SP1: variants seen among roughly 807,000 people sequenced by gnomAD.
SP1 encodes the protein transcription factor Sp1.
In SP1, 6 loss-of-function variants were observed where a neutral mutation model predicts 66.3. The ratio of observed to expected loss-of-function variants is 0.09; its 90% CI spans 0.05 to 0.18. SP1 has a LOEUF of 0.18. SP1 is among the 10% of genes least tolerant of loss of function. The probability of loss-of-function intolerance (pLI) is 1.00; values close to 1 mark genes in which losing one functional copy is unlikely to be tolerated. For synonymous variants in SP1, 417 were observed against 360.8 expected (o/e 1.16, Z -1.77); for missense variants, 848 against 964.5 (o/e 0.88, Z 1.60).
chr12:53,404,816 G>A (rs371660475), intron 3 of SP1, among the ~76,000 whole-genome samples: 1 of 151,776 alleles, frequency 6.6e-6, no homozygotes. Flanking sequence ...GACCATAGGC[G>A]CATGCCACCA....
At chr12:53,380,499 C>T (rs1592552224) in intron 1 of SP1, 1 of 492,164 alleles carries the variant, frequency 2.0e-6, no homozygotes, top group Non-Finnish European at 3.0e-6. Flanking sequence ...ATGGGCCGCC[C>T]GCCCCGGGGG....
In SP1 at chr12:53,411,449, G is replaced by GT. The variant is rs1938883548; in HGVS notation, c.*210dup. 2 of 485,842 alleles carry GT rather than the reference G, an allele frequency of 4.1e-6. No homozygotes were observed. The highest frequency in any genetic ancestry group is 7.2e-6 in the Non-Finnish European group (2 of 277,732). The allele number at this position is 485,842 out of a possible 1,614,324, so 30.1% of individuals were successfully genotyped here. ...GCCTCTTTGAAGGTGGGAAACATTA[G>GT]TGAAAATTCTGTTGGTGCCACGCTT... On this transcript the variant is annotated 3_prime_UTR_variant, in exon 6 of 6. Transcript: ENST00000327443.
At chr12:53,406,491 C>A in intron 3 of SP1, 94 bp from the exon 4 acceptor site, 2 of 1,090,300 alleles carry the variant, frequency 1.8e-6, no homozygotes, top group Non-Finnish European at 2.7e-6. Context: ...GATGTCAGTT[C>A]AAAAGAAATG....
At chr12:53,392,269 C>G (rs1938370690) in intron 3 of SP1, among the ~76,000 whole-genome samples, 1 of 151,976 alleles carries the variant, frequency 6.6e-6, no homozygotes, top group African/African-American at 2.4e-5. Flanking sequence ...CAACCTCTGC[C>G]TCCCAAGTTC....
rs1301677827 is a variant in SP1, at chr12:53,411,421, A to G, written c.*181A>G. 9.4e-6 allele frequency: 5 copies of G among 532,852 alleles called. No homozygotes were observed. Among genetic ancestry groups the G allele is most frequent in the Non-Finnish European group, 1.6e-5 (5 of 305,604 alleles). The allele number at this position is 532,852 out of a possible 1,614,324, so 33.0% of individuals were successfully genotyped here. On this transcript the variant is annotated 3_prime_UTR_variant, in exon 6 of 6. Coordinates refer to ENST00000327443, the MANE Select transcript of SP1 (RefSeq NM_138473.3). ...GGTCCCGGCACCCATCTGTATCATC[A>G]GTGCCTCTTTGAAGGTGGGAAACAT...
At chr12:53,400,940 T>C (rs538666264) in intron 3 of SP1, among the ~76,000 whole-genome samples, 38 of 151,678 alleles carry the variant, frequency 2.5e-4, no homozygotes, top group African/African-American at 8.7e-4. Flanking sequence ...TTTTGTATTT[T>C]TAGTAGAGAC....
chr12:53,406,364 C>T (rs111337715), intron 3 of SP1, among the ~76,000 whole-genome samples: 8,922 of 152,142 alleles, frequency 0.059, 415 homozygotes, highest in South Asian at 0.19. Context: ...CCACTGCGCC[C>T]AGCCACTCTT....
intron 3 of SP1, among the ~76,000 whole-genome samples, chr12:53,404,496 T>A (rs1938683839): frequency 6.7e-6 from 1 of 149,792 alleles, no homozygotes; most frequent in African/African-American, 2.5e-5. Flanking sequence ...GAGTCAAGAT[T>A]GTGCCATTGC....
intron 3 of SP1, 135 bp from the exon 4 acceptor site, chr12:53,406,450 G>A: frequency 1.4e-6 from 1 of 690,058 alleles, no homozygotes; most frequent in Non-Finnish European, 2.4e-6. Context: ...AACATAAAAA[G>A]GCTTCAAAAC....
intron 3 of SP1, among the ~76,000 whole-genome samples, chr12:53,392,331 C>A: frequency 6.7e-6 from 1 of 148,944 alleles, no homozygotes; most frequent in Non-Finnish European, 1.5e-5. Context: ...CAGGAGCCCA[C>A]AGCCACACCT....
chr12:53,403,032 C>G (rs888446537), intron 3 of SP1, among the ~76,000 whole-genome samples: 1 of 151,382 alleles, frequency 6.6e-6, no homozygotes, highest in African/African-American at 2.4e-5. Flanking sequence ...CCTGCAATCA[C>G]AGCTACTCGG....
At chr12:53,410,815 T>A in intron 5 of SP1, 112 bp from the exon 6 acceptor site, 1 of 790,362 alleles carries the variant, frequency 1.3e-6, no homozygotes. Flanking sequence ...TTCTTGTTTT[T>A]GATCACCTTC....
intron 3 of SP1, among the ~76,000 whole-genome samples, chr12:53,398,212 C>G (rs1308968538): frequency 6.6e-6 from 1 of 152,196 alleles, no homozygotes; most frequent in Non-Finnish European, 1.5e-5. Context: ...CTTTGTACCA[C>G]TTTAACCACT....
intron 3 of SP1, among the ~76,000 whole-genome samples, chr12:53,397,801 GC>G (rs2136906945): frequency 6.6e-6 from 1 of 151,926 alleles, no homozygotes; most frequent in East Asian, 1.9e-4. Context: ...TGATCCTCCC[GC>G]CTTGGCCTCC....
intron 3 of SP1, among the ~76,000 whole-genome samples, chr12:53,397,849 C>G (rs1210318089): frequency 6.6e-6 from 1 of 151,996 alleles, no homozygotes; most frequent in Non-Finnish European, 1.5e-5. Context: ...CCACTGCGCC[C>G]GACCGTAGAT....
At chr12:53,380,448 A>G in intron 1 of SP1, 150 bp downstream of exon 1, 1 of 526,530 alleles carries the variant, frequency 1.9e-6, no homozygotes, top group Non-Finnish European at 2.7e-6. Flanking sequence ...GAGGGAAGGG[A>G]GGGAGACGGG....
At chr12:53,380,888 C>G (rs1592552656) in intron 1 of SP1, among the ~76,000 whole-genome samples, 1 of 151,470 alleles carries the variant, frequency 6.6e-6, no homozygotes, top group East Asian at 1.9e-4. Flanking sequence ...TTTTTCTACT[C>G]ACACTTTTTA....
In SP1 at chr12:53,412,614, T is replaced by C. The variant is rs1345547961; in HGVS notation, c.*1374T>C. The stretch of plus-strand genomic sequence containing the variant: ...GATGTTTTCCCTTAACTTTTCCTTG[T>C]ATGTTCTTGGGTGGTTCCTAAGGGA... On this transcript the variant is annotated 3_prime_UTR_variant, in exon 6 of 6. Coordinates refer to ENST00000327443, the MANE Select transcript of SP1 (RefSeq NM_138473.3). The C allele has an allele frequency of 6.6e-6, 1 of 152,632 alleles. No individual in the cohort carries two copies. The highest frequency in any genetic ancestry group is 2.4e-5 in the African/African-American group (1 of 41,468). The allele number at this position is 152,632 out of a possible 1,614,324, so 9.5% of individuals were successfully genotyped here. A position where few individuals can be genotyped will look rare whatever the true frequency, so the allele number is the denominator to read the frequency against.
chr12:53,383,633 C>T lies in SP1; in HGVS notation c.1675+11C>T. The T allele has an allele frequency of 1.3e-6, 2 of 1,584,488 alleles. No individual in the cohort carries two copies. The highest frequency in any genetic ancestry group is 1.7e-6 in the Non-Finnish European group (2 of 1,165,262). ...TAGCAAATGCCCCAGGTAAGATTTC[C>T]AATCTTGTGCATTTATTGGGAACCA... On this transcript the variant is annotated intron_variant, in intron 3 of 5. Transcript: ENST00000327443.
Sources: allele counts gnomAD v4.1 joint callset (sites outside exome capture counted in the v4.1 genomes callset), GRCh38; gene constraint gnomAD v4.1.1; transcripts MANE v1.5; gene names NCBI Gene and HGNC (gene_info 2026-07-23, HGNC 2026-07-21).